KNDC1: variants seen among roughly 807,000 people sequenced by gnomAD.
KNDC1 encodes the protein kinase non-catalytic C-lobe domain-containing protein 1.
In KNDC1, 106 loss-of-function variants were observed where a neutral mutation model predicts 172.8. That is an observed-to-expected ratio of 0.61 (90% CI 0.52 to 0.72). The LOEUF (loss-of-function observed/expected upper bound fraction) is 0.72. Among genes scored for constraint, KNDC1 ranks in the 30% least tolerant of loss-of-function variants. The pLI is 0.00. For synonymous variants in KNDC1, 1,083 were observed against 1,062.2 expected, an observed-to-expected ratio of 1.02 and a Z score of -0.38; for missense variants, 2,325 against 2,394.5, an observed-to-expected ratio of 0.97 and a Z score of 0.61.
At chr10:133,177,336 CGT>C (rs1853567541) in intron 3 of KNDC1, among the ~76,000 whole-genome samples, 1 of 152,078 alleles carries the variant, frequency 6.6e-6, no homozygotes, top group African/African-American at 2.4e-5. Flanking sequence ...GTGTCATGCC[CGT>C]GTGTACATGC....
At chr10:133,197,649 G>A (rs754379629) in intron 11 of KNDC1, 26 bp from the exon 12 acceptor site, 2 of 1,581,492 alleles carry the variant, frequency 1.3e-6, no homozygotes, top group Admixed American at 3.3e-5. Flanking sequence ...TGGTCACCTG[G>A]CCCAGGGCTG....
intron 16 of KNDC1, among the ~76,000 whole-genome samples, chr10:133,201,186 G>C (rs1336878532): frequency 6.6e-6 from 1 of 152,250 alleles, no homozygotes; most frequent in East Asian, 1.9e-4. Flanking sequence ...ACACAGTCCT[G>C]ATAGCAGAGC....
Position 133,201,538 on chromosome 10 carries a change from G to A in KNDC1, c.3027G>A (p.Arg1009=). 1 of 1,610,198 alleles carries A rather than the reference G, an allele frequency of 6.2e-7. No homozygotes were observed. Among genetic ancestry groups the A allele is most frequent in the Non-Finnish European group, 8.5e-7 (1 of 1,179,170 alleles). ...EKPAMARTSS[R]APCSPTSVSD... is the part of the protein sequence containing the mutation. The stretch of plus-strand genomic sequence containing the variant: ...CAGCCATGGCCAGGACCAGCAGCAG[G>A]GCCCCCTGCTCACCCACCTCGGTGT... The change falls in exon 17 of 30, where the codon AGG becomes AGA. Residue 1009 remains arginine (R), a synonymous_variant. Coordinates refer to ENST00000304613, the MANE Select transcript of KNDC1 (RefSeq NM_152643.8).
intron 29 of KNDC1, among the ~76,000 whole-genome samples, chr10:133,222,232 G>C (rs1036613914): frequency 1.4e-5 from 2 of 147,298 alleles, no homozygotes; most frequent in Admixed American, 6.8e-5. Flanking sequence ...CCAGTGAGCC[G>C]AGATCGCGCC....
rs984391186 is a variant in KNDC1, at chr10:133,225,058, C to A, written c.*168C>A. On this transcript the variant is annotated 3_prime_UTR_variant, in exon 30 of 30. Transcript: ENST00000304613. ...GCTCAGGGGACCCCATGGGGACAGG[C>A]AGAGCTGGTCTCCTCCCAGCAGACG... 220 of 614,738 alleles carry A rather than the reference C, an allele frequency of 3.6e-4. No homozygotes were observed. Among genetic ancestry groups the A allele is most frequent in the Admixed American group, 5.7e-4 (20 of 34,900 alleles). 38.1% of individuals were successfully genotyped at this position (614,738 alleles called of 1,614,324 possible).
chr10:133,183,571 G>A (rs1489142345), intron 4 of KNDC1, 81 bp downstream of exon 4: 17 of 1,416,260 alleles, frequency 1.2e-5, no homozygotes, highest in South Asian at 4.3e-5. Context: ...CCACACCCAC[G>A]CCCAGCAGCC....
intron 9 of KNDC1, among the ~76,000 whole-genome samples, chr10:133,190,481 C>T (rs953046528): frequency 3.9e-5 from 6 of 152,204 alleles, no homozygotes; most frequent in East Asian, 1.9e-4. Context: ...GGGGAGGAGA[C>T]GGCAGCCGGC....
At chr10:133,174,557 C>T (rs4838702) in intron 3 of KNDC1, among the ~76,000 whole-genome samples, 1 of 151,840 alleles carries the variant, frequency 6.6e-6, no homozygotes, top group East Asian at 1.9e-4. Context: ...ATGGTTGGAG[C>T]ATAGATTATT....
chr10:133,210,764 C>T (rs763322165), intron 21 of KNDC1, 40 bp downstream of exon 21: 2 of 1,529,666 alleles, frequency 1.3e-6, no homozygotes, highest in East Asian at 2.2e-5. Flanking sequence ...AGAGCTTCCC[C>T]CTGGGGCAGG....
intron 20 of KNDC1, among the ~76,000 whole-genome samples, chr10:133,208,042 TG>T (rs903920772): frequency 2.6e-5 from 4 of 152,172 alleles, no homozygotes; most frequent in Admixed American, 2.6e-4. Flanking sequence ...TGCCAGTGAC[TG>T]GGGCCAACCC....
intron 26 of KNDC1, among the ~76,000 whole-genome samples, chr10:133,218,426 TG>T (rs1845512533): frequency 2.0e-5 from 3 of 152,098 alleles, no homozygotes; most frequent in East Asian, 3.9e-4. Context: ...CGCAGCGGGT[TG>T]GGGGGTGGGC....
intron 3 of KNDC1, chr10:133,174,275 G>A (rs1265084586): frequency 6.6e-6 from 1 of 152,322 alleles, no homozygotes; most frequent in Non-Finnish European, 1.5e-5. Context: ...TGGGACCTGA[G>A]GTTGAGTAGG....
At chr10:133,177,498 GTC>G (rs1853574491) in intron 3 of KNDC1, among the ~76,000 whole-genome samples, 1 of 151,546 alleles carries the variant, frequency 6.6e-6, no homozygotes, top group South Asian at 2.1e-4. Context: ...TATGGTGTGT[GTC>G]ATGGTCATGT....
rs1001283638 is a variant in KNDC1, at chr10:133,195,667, C to A, written c.1580C>A (p.Ser527Tyr). The change falls in exon 10 of 30, where the codon TCT becomes TAT. Residue 527 changes from serine (S) to tyrosine (Y), a missense_variant. Transcript: ENST00000304613. ...ATTCTCTCCCCACCCGCCCAGGCCT[C>A]TGTGTACTGTGTGGCCGCCGTTCTG... is the stretch of plus-strand genomic sequence containing the variant. The part of the protein sequence containing the change: ...AEERLVTEKA[S>Y]VYCVAAVLWT... 1 of 1,607,076 alleles carries A rather than the reference C, an allele frequency of 6.2e-7. No homozygotes were observed. Among genetic ancestry groups the A allele is most frequent in the Non-Finnish European group, 8.5e-7 (1 of 1,176,916 alleles).
chr10:133,182,516 G>A (rs964375142), intron 3 of KNDC1, among the ~76,000 whole-genome samples: 3 of 152,320 alleles, frequency 2.0e-5, no homozygotes, highest in African/African-American at 4.8e-5. Context: ...GCCGCTCTGC[G>A]TTCTGCTTCC....
Position 133,185,951 on chromosome 10 carries a change from GACC to G in KNDC1, c.626-20_626-18del. On this transcript the variant is annotated intron_variant, in intron 5 of 29. Coordinates refer to ENST00000304613, the MANE Select transcript of KNDC1 (RefSeq NM_152643.8). ...AGGGGCGGGAGGGGCACCCAGCCGT[GACC>G]ACATCTTGCTTGTGCCCAGATGTCA... 6.4e-7 allele frequency: 1 copy of G among 1,558,078 alleles called. No homozygotes were observed. The highest frequency in any genetic ancestry group is 8.7e-7 in the Non-Finnish European group (1 of 1,151,774).
At chr10:133,198,288 T>C (rs1263411527) in intron 12 of KNDC1, 49 bp from the exon 13 acceptor site, 5 of 1,496,942 alleles carry the variant, frequency 3.3e-6, no homozygotes, top group Admixed American at 4.1e-5. Context: ...GTGCGGCACG[T>C]GCTGGGGCCA....
At chr10:133,167,290 T>G in intron 1 of KNDC1, 91 bp from the exon 2 acceptor site, 1 of 1,267,528 alleles carries the variant, frequency 7.9e-7, no homozygotes, top group Admixed American at 2.4e-5. Flanking sequence ...CTGCCACGAG[T>G]CGTCCGTTTC....
In KNDC1 at chr10:133,198,338, C is replaced by G; in HGVS notation, c.1908C>G (p.Gly636=). ...ACCCTCAGCCCCCTGGCTCCCCAGG[C>G]TTCCTGCCGGTGAACAGCGACACCG... ...SVAPAPEPSP[G]FLPVNSDTGL... is the part of the protein sequence containing the mutation. Residue 636 remains glycine (G), a splice_region_variant and synonymous_variant, in exon 13 of 30, where the codon GGC becomes GGG. Coordinates refer to ENST00000304613, the MANE Select transcript of KNDC1 (RefSeq NM_152643.8). 6.4e-7 allele frequency: 1 copy of G among 1,572,792 alleles called. No individual in the cohort carries two copies. The highest frequency in any genetic ancestry group is 1.1e-5 in the South Asian group (1 of 87,172).
Sources: gnomAD v4.1 joint callset for allele counts (sites outside exome capture counted in the v4.1 genomes callset) on GRCh38, gnomAD v4.1.1 for gene constraint, MANE v1.5 for transcripts, NCBI Gene and HGNC (gene_info 2026-07-23, HGNC 2026-07-21) for gene names.